The following B3GALT1 variants were observed in gnomAD, a reference collection of about 807,000 sequenced individuals.
The protein encoded by B3GALT1 is UDP-Gal:betaGlcNAc beta 1,3-galactosyltransferase, polypeptide 1.
Under a neutral mutation model 23.2 loss-of-function variants are expected in B3GALT1, and 10 were observed. That is an observed-to-expected ratio of 0.43 (90% CI 0.27 to 0.73). The LOEUF is 0.73. Among genes scored for constraint, B3GALT1 ranks in the 30% least tolerant of loss-of-function variants. The probability of loss-of-function intolerance (pLI) is 0.21; values close to 1 mark genes in which losing one functional copy is unlikely to be tolerated. For synonymous variants in B3GALT1, 156 were observed against 141.5 expected, an observed-to-expected ratio of 1.10 and a Z score of -0.73; for missense variants, 299 against 405.4, an observed-to-expected ratio of 0.74 and a Z score of 2.25.
chr2:167,722,636 A>G (rs923974734), intron 3 of B3GALT1, among the ~76,000 whole-genome samples: 1 of 152,244 alleles, frequency 6.6e-6, no homozygotes, highest in African/African-American at 2.4e-5. Flanking sequence ...TTAAAATGCA[A>G]TAGCATGGTA....
chr2:167,406,362 G>T (rs1207088878), intron 1 of B3GALT1, among the ~76,000 whole-genome samples: 1 of 152,056 alleles, frequency 6.6e-6, no homozygotes, highest in Non-Finnish European at 1.5e-5. Context: ...TAGAGCACCA[G>T]AATTTTTCAC....
rs566424913 is a variant in B3GALT1, at chr2:167,298,567, A to G, written c.-511+5233A>G. ...TGTATTTACTTCATTCTTTATGTCTATAGCATACAGATGTATATACTCTAT... is the reference window on the plus strand; with the variant it reads ...TGTATTTACTTCATTCTTTATGTCTGTAGCATACAGATGTATATACTCTAT... On this transcript the variant is annotated intron_variant, in intron 1 of 4. Transcript: ENST00000392690. 5.3e-5 allele frequency among the ~76,000 whole-genome samples: 8 copies of G among 152,258 alleles called. No individual in the cohort carries two copies. The East Asian group carries it at 1.3e-3, about 26-fold the overall frequency.
intron 3 of B3GALT1, among the ~76,000 whole-genome samples, chr2:167,745,698 G>A (rs2105280800): frequency 6.6e-6 from 1 of 151,458 alleles, no homozygotes; most frequent in African/African-American, 2.4e-5. Context: ...CTGTTATGTT[G>A]AAAACCATCT....
Position 167,655,142 on chromosome 2 carries a change from T to C in B3GALT1, c.-352+8176T>C, listed in dbSNP as rs142485273. On this transcript the variant is annotated intron_variant, in intron 3 of 4. Transcript: ENST00000392690. ...TACTATACTTAATGAGATACACAAA[T>C]TCCATTTGAATGCAGCACAAATTAT... Among the ~76,000 whole-genome samples, 35 of 152,304 alleles carry C rather than the reference T, an allele frequency of 2.3e-4. 1 individual carries two copies. The East Asian group carries it at 6.8e-3, about 29-fold the overall frequency.
intron 2 of B3GALT1, among the ~76,000 whole-genome samples, chr2:167,510,065 A>G (rs1699982047): frequency 6.6e-6 from 1 of 152,218 alleles, no homozygotes. Context: ...ATTAAAAGTC[A>G]GATCATCAAA....
chr2:167,677,432 G>A (rs560859791), intron 3 of B3GALT1, among the ~76,000 whole-genome samples: 40 of 152,326 alleles, frequency 2.6e-4, no homozygotes, highest in East Asian at 9.6e-4. Context: ...TAGAACTGGC[G>A]TAAGCACCAT....
chr2:167,791,045 T>C (rs1688430470), intron 3 of B3GALT1, among the ~76,000 whole-genome samples: 2 of 152,208 alleles, frequency 1.3e-5, no homozygotes, highest in African/African-American at 4.8e-5. Flanking sequence ...AGGAGATGAA[T>C]ACAAATTATT....
intron 1 of B3GALT1, among the ~76,000 whole-genome samples, chr2:167,441,736 G>A (rs74579274): frequency 0.024 from 3,663 of 151,874 alleles, 132 homozygotes; most frequent in African/African-American, 0.083. Flanking sequence ...TTATTAAAAC[G>A]CAGATACAGA....
intron 3 of B3GALT1, among the ~76,000 whole-genome samples, chr2:167,741,227 T>C (rs978449826): frequency 6.6e-6 from 1 of 152,188 alleles, no homozygotes; most frequent in Non-Finnish European, 1.5e-5. Flanking sequence ...TTGTTAGTCA[T>C]TGAACCAAGA....
At chr2:167,671,938 A>G (rs997446466) in intron 3 of B3GALT1, among the ~76,000 whole-genome samples, 1 of 152,120 alleles carries the variant, frequency 6.6e-6, no homozygotes, top group Non-Finnish European at 1.5e-5. Flanking sequence ...TAAAGAAGAG[A>G]TATCACAATT....
intron 1 of B3GALT1, among the ~76,000 whole-genome samples, chr2:167,423,471 A>G (rs1698578197): frequency 6.6e-6 from 1 of 152,220 alleles, no homozygotes; most frequent in Non-Finnish European, 1.5e-5. Context: ...TCTATGCAAT[A>G]AACCAGTTAC....
Position 167,469,941 on chromosome 2 carries a change from G to A in B3GALT1, c.-510-20236G>A, listed in dbSNP as rs540850715. On this transcript the variant is annotated intron_variant, in intron 1 of 4. Transcript: ENST00000392690. The stretch of plus-strand genomic sequence containing the variant: ...AATAGCAAATTGTATAAATTTTTTA[G>A]GACCTGAAAGACTGTCTTTCCCACA... 4.6e-5 allele frequency among the ~76,000 whole-genome samples: 7 copies of A among 152,188 alleles called. No individual in the cohort carries two copies. In the East Asian group the frequency reaches 5.8e-4, roughly 13 times the overall value.
intron 3 of B3GALT1, among the ~76,000 whole-genome samples, chr2:167,668,549 C>A (rs1216305796): frequency 6.6e-6 from 1 of 152,188 alleles, no homozygotes; most frequent in Non-Finnish European, 1.5e-5. Context: ...CTCCCCCAGC[C>A]TCGCTGCCGC....
At chr2:167,709,211 C>A (rs1687014396) in intron 3 of B3GALT1, among the ~76,000 whole-genome samples, 1 of 152,164 alleles carries the variant, frequency 6.6e-6, no homozygotes, top group Non-Finnish European at 1.5e-5. Flanking sequence ...GGCCTAGGCC[C>A]AGAGCAGTGT....
intron 2 of B3GALT1, among the ~76,000 whole-genome samples, chr2:167,568,230 A>G (rs1684211840): frequency 6.6e-6 from 1 of 152,064 alleles, no homozygotes; most frequent in Admixed American, 6.6e-5. Context: ...TTGAGTAATT[A>G]CCAATGAGCA....
At chr2:167,342,675 T>C (rs1305334879) in intron 1 of B3GALT1, among the ~76,000 whole-genome samples, 4 of 152,096 alleles carry the variant, frequency 2.6e-5, no homozygotes, top group Non-Finnish European at 5.9e-5. Flanking sequence ...GATATTTAGT[T>C]CCCATTTCCC....
At chr2:167,535,379 C>T (rs1472655550) in intron 2 of B3GALT1, among the ~76,000 whole-genome samples, 1 of 151,984 alleles carries the variant, frequency 6.6e-6, no homozygotes, top group Non-Finnish European at 1.5e-5. Flanking sequence ...AAAGACATGG[C>T]CATCTGGTCT....
chr2:167,684,979 G>C (rs1444966013), intron 3 of B3GALT1, among the ~76,000 whole-genome samples: 1 of 152,146 alleles, frequency 6.6e-6, no homozygotes, highest in Non-Finnish European at 1.5e-5. Context: ...CTGAAAATGA[G>C]TCCCAACATA....
rs1477519986 is a variant in B3GALT1 at position 167,668,809 on chromosome 2, G to T, written c.-352+21843G>T. ...GCAATGCCTCGCCCTGCTTCGGCTC[G>T]CGCACGGTGCGTGCACCCACTGACC... On this transcript the variant is annotated intron_variant, in intron 3 of 4. Coordinates refer to ENST00000392690, the MANE Select transcript of B3GALT1 (RefSeq NM_020981.4). 5.9e-5 allele frequency among the ~76,000 whole-genome samples: 9 copies of T among 152,124 alleles called. No homozygotes were observed. The East Asian group carries it at 7.8e-4, about 13-fold the overall frequency.
Sources: allele counts gnomAD v4.1 joint callset (sites outside exome capture counted in the v4.1 genomes callset), GRCh38; gene constraint gnomAD v4.1.1; transcripts MANE v1.5; gene names NCBI Gene and HGNC (gene_info 2026-07-23, HGNC 2026-07-21).